Variants in LPAR3 observed in about 807,000 individuals in gnomAD.
The protein encoded by LPAR3 is lysophosphatidic acid receptor 3.
In LPAR3, 7 loss-of-function variants were observed where a neutral mutation model predicts 17.8. The observed-to-expected ratio is 0.39, with a 90% confidence interval of 0.22 to 0.74. The LOEUF is 0.74. Ranked by LOEUF, LPAR3 falls within the 30% of genes least tolerant of loss-of-function variation. LPAR3 has a pLI of 0.40. For synonymous variants in LPAR3, 179 were observed against 179.9 expected, an observed-to-expected ratio of 0.99 and a Z score of 0.04; for missense variants, 391 against 453.4, an observed-to-expected ratio of 0.86 and a Z score of 1.25.
At position 84,811,925 on chromosome 1, in the gene LPAR3, G is replaced by C. The variant is rs759653885; in HGVS notation, c.*1921C>G. ...GAAAACTCTCGTTGGTAGCCTGTGT[G>C]TATGAAACATCATTTTTTCTTTCTT... On this transcript the variant is annotated 3_prime_UTR_variant, in exon 3 of 3. Coordinates refer to ENST00000370611, the MANE Select transcript of LPAR3 (RefSeq NM_012152.3). 6.6e-6 allele frequency: 1 copy of C among 152,050 alleles called. No individual in the cohort carries two copies. The highest frequency in any genetic ancestry group is 1.5e-5 in the Non-Finnish European group (1 of 68,006). The allele number at this position is 152,050 out of a possible 1,614,324, so 9.4% of individuals were successfully genotyped here.
chr1:84,830,809 CG>C (rs57792117), intron 2 of LPAR3, among the ~76,000 whole-genome samples: 1,907 of 152,182 alleles, frequency 0.013, 50 homozygotes, highest in African/African-American at 0.044. Context: ...TGTTTTCAGA[CG>C]GAACATTTCT....
chr1:84,881,455 C>G (rs947236527), intron 1 of LPAR3, among the ~76,000 whole-genome samples: 12 of 152,156 alleles, frequency 7.9e-5, no homozygotes, highest in Non-Finnish European at 7.3e-5. Context: ...AGGATGCACT[C>G]AATAAATGGC....
At chr1:84,825,673 T>C (rs1321344037) in intron 2 of LPAR3, among the ~76,000 whole-genome samples, 1 of 152,204 alleles carries the variant, frequency 6.6e-6, no homozygotes, top group Non-Finnish European at 1.5e-5. Context: ...CTACACTATG[T>C]TTATAAGCTC....
chr1:84,849,515 C>A (rs1362705873), intron 2 of LPAR3, among the ~76,000 whole-genome samples: 1 of 152,000 alleles, frequency 6.6e-6, no homozygotes, highest in East Asian at 1.9e-4. Flanking sequence ...TTGTCATGGG[C>A]CCAGATAGGC....
At chr1:84,838,710 TA>T (rs1659449518) in intron 2 of LPAR3, among the ~76,000 whole-genome samples, 1 of 152,212 alleles carries the variant, frequency 6.6e-6, no homozygotes, top group Non-Finnish European at 1.5e-5. Context: ...ATATTAAATA[TA>T]AGGTAAGTCT....
intron 1 of LPAR3, among the ~76,000 whole-genome samples, chr1:84,890,745 G>A (rs2389789): frequency 2.0e-5 from 3 of 152,030 alleles, no homozygotes; most frequent in African/African-American, 7.2e-5. Context: ...GTAATCTGAG[G>A]TACAGTAATT....
intron 2 of LPAR3, among the ~76,000 whole-genome samples, chr1:84,820,310 GTATC>G (rs1265222343): frequency 6.6e-6 from 1 of 152,150 alleles, no homozygotes; most frequent in African/African-American, 2.4e-5. Context: ...TTAGAACTAA[GTATC>G]TAGCCCACAC....
At position 84,865,715 on chromosome 1, in the gene LPAR3, C is replaced by A. The variant is rs199623252; in HGVS notation, c.406G>T (p.Val136Phe). The A allele has an allele frequency of 3.0e-5, 49 of 1,614,158 alleles. No individual in the cohort carries two copies. In the East Asian group the frequency reaches 1.0e-3, roughly 34 times the overall value. The change falls in exon 2 of 3, where the codon GTC (valine) becomes TTC (phenylalanine). Residue 136 changes from valine (V) to phenylalanine (F), a missense_variant. Val to Phe is a conservative substitution (Grantham distance 50). Transcript: ENST00000370611. The part of the protein sequence containing the change: ...ERHMSIMRMR[V>F]HSNLTKKRVT... ...CTCTTTTTGGTCAGGTTGCTATGGA[C>A]CCGCATCCTCATGATTGACATGTGC...
chr1:84,866,081 A>T lies in LPAR3; in HGVS notation c.40T>A (p.Tyr14Asn), dbSNP rs1660042975. Reference protein sequence around the residue: ...CHYDKHMDFFYNRSNTDTVDD... With the variant: ...CHYDKHMDFFNNRSNTDTVDD... Reference sequence around the variant, plus strand: ...ACAGTATCAGTGTTGCTCCTATTATAAAAAAAGTCCATGTGCTTGTCATAG... The same window carrying T: ...ACAGTATCAGTGTTGCTCCTATTATTAAAAAAGTCCATGTGCTTGTCATAG... The change falls in exon 2 of 3, where the codon TAT becomes AAT. Residue 14 changes from tyrosine (Y) to asparagine (N), a missense_variant. Tyr to Asn is a moderately radical substitution (Grantham distance 143). Transcript: ENST00000370611. 1.2e-6 allele frequency: 2 copies of T among 1,600,396 alleles called. No homozygotes were observed. Among genetic ancestry groups the T allele is most frequent in the Non-Finnish European group, 1.7e-6 (2 of 1,174,486 alleles).
chr1:84,889,149 G>C (rs960452611), intron 1 of LPAR3, among the ~76,000 whole-genome samples: 1 of 152,056 alleles, frequency 6.6e-6, no homozygotes, highest in Non-Finnish European at 1.5e-5. Context: ...ATGAAGAGAG[G>C]GGTGGGTATA....
Position 84,865,417 on chromosome 1 carries a change from A to G in LPAR3, c.704T>C (p.Met235Thr), listed in dbSNP as rs1472522362. 1.2e-6 allele frequency: 2 copies of G among 1,613,790 alleles called. No homozygotes were observed. The highest frequency in any genetic ancestry group is 1.7e-6 in the Non-Finnish European group (2 of 1,179,908). ...AGTCATCACCGTCTTCATTAGCTTCATGGGTGTCCTCCGGCGGCTGATGGA... is the reference window on the plus strand; with the variant it reads ...AGTCATCACCGTCTTCATTAGCTTCGTGGGTGTCCTCCGGCGGCTGATGGA... ...SGSISRRRTP[M>T]KLMKTVMTVL... The change falls in exon 2 of 3, where the codon ATG (methionine) becomes ACG (threonine). Residue 235 changes from methionine to threonine, a missense_variant. Met to Thr is a moderately conservative substitution (Grantham distance 81). Transcript: ENST00000370611.
intron 2 of LPAR3, among the ~76,000 whole-genome samples, chr1:84,826,001 C>T (rs761023331): frequency 1.3e-5 from 2 of 152,078 alleles, no homozygotes; most frequent in African/African-American, 4.8e-5. Context: ...ACATGACTTT[C>T]CTGAGTGTAA....
intron 2 of LPAR3, among the ~76,000 whole-genome samples, chr1:84,841,657 G>A (rs942495882): frequency 2.6e-5 from 4 of 152,256 alleles, no homozygotes; most frequent in Admixed American, 2.0e-4. Context: ...GCTTCTACCT[G>A]CACACCCCTC....
At chr1:84,878,839 C>T (rs898109423) in intron 1 of LPAR3, among the ~76,000 whole-genome samples, 2 of 152,164 alleles carry the variant, frequency 1.3e-5, no homozygotes, top group African/African-American at 2.4e-5. Flanking sequence ...GGACCCTTCA[C>T]TCTCCCTCTC....
At chr1:84,871,536 C>T (rs1660158703) in intron 1 of LPAR3, among the ~76,000 whole-genome samples, 1 of 152,158 alleles carries the variant, frequency 6.6e-6, no homozygotes, top group South Asian at 2.1e-4. Flanking sequence ...CAATACTGAG[C>T]ATATCTTCTT....
chr1:84,841,294 C>A (rs553386764), intron 2 of LPAR3, among the ~76,000 whole-genome samples: 1 of 152,078 alleles, frequency 6.6e-6, no homozygotes, highest in Non-Finnish European at 1.5e-5. Flanking sequence ...CAAGGACAAC[C>A]GACGGCCCCT....
In LPAR3 at chr1:84,865,517, T is replaced by C. The variant is rs1156470796; in HGVS notation, c.604A>G (p.Met202Val). 1.2e-6 allele frequency: 2 copies of C among 1,613,962 alleles called. No homozygotes were observed. The highest frequency in any genetic ancestry group is 1.7e-5 in the Admixed American group (1 of 59,990). ...TVSNLMAFLI[M>V]VVVYLRIYVY... Reference sequence around the variant, plus strand: ...TAGATCCGCAGGTACACCACAACCATGATGAGGAAGGCCATGAGGTTGGAC... The same window carrying C: ...TAGATCCGCAGGTACACCACAACCACGATGAGGAAGGCCATGAGGTTGGAC... The change falls in exon 2 of 3, where the codon ATG becomes GTG. Residue 202 changes from methionine (M) to valine (V), a missense_variant. Transcript: ENST00000370611.
Position 84,839,042 on chromosome 1 carries a change from G to T in LPAR3, c.737-24871C>A, listed in dbSNP as rs1659455318. On this transcript the variant is annotated intron_variant, in intron 2 of 2. Transcript: ENST00000370611. ...ATGGTAACTTACACTTATTGTGCAG[G>T]GTTCCATTCAAACCATTTTTATGCA... Among the ~76,000 whole-genome samples, 2 of 152,092 alleles carry T rather than the reference G, an allele frequency of 1.3e-5. 1 individual carries two copies. The highest frequency in any genetic ancestry group is 4.1e-4 in the South Asian group (2 of 4,824).
chr1:84,855,941 C>A lies in LPAR3; in HGVS notation c.736+9444G>T, dbSNP rs562061838. On this transcript the variant is annotated intron_variant, in intron 2 of 2. Coordinates refer to ENST00000370611, the MANE Select transcript of LPAR3 (RefSeq NM_012152.3). ...GCATTTGAACAAGTGGGATGGAGTG[C>A]CATATGAGGGATTTTCTTTTTTAAT... is the stretch of plus-strand genomic sequence containing the variant. 9.2e-5 allele frequency among the ~76,000 whole-genome samples: 14 copies of A among 152,224 alleles called. No individual in the cohort carries two copies. In the South Asian group the frequency reaches 2.7e-3, roughly 29 times the overall value.
Sources: allele counts gnomAD v4.1 joint callset (sites outside exome capture counted in the v4.1 genomes callset), GRCh38; gene constraint gnomAD v4.1.1; transcripts MANE v1.5; gene names NCBI Gene and HGNC (gene_info 2026-07-23, HGNC 2026-07-21).